Variants in TTC27 observed in about 807,000 individuals in gnomAD.
TTC27 encodes tetratricopeptide repeat protein 27.
A neutral mutation model predicts 115.9 loss-of-function variants in TTC27; 79 were observed. That is an observed-to-expected ratio of 0.68 (90% CI 0.57 to 0.82). The LOEUF (loss-of-function observed/expected upper bound fraction) is 0.82, where lower values mean the gene tolerates loss of function less well. TTC27 is among the 40% of genes least tolerant of loss of function. The pLI, the probability that TTC27 is intolerant of heterozygous loss-of-function variation, is 0.00. For synonymous variants in TTC27, 401 were observed against 356.0 expected (o/e 1.13, Z -1.42); for missense variants, 1,054 against 993.1 (o/e 1.06, Z -0.82).
chr2:32,655,250 A>C (rs1665276155), intron 5 of TTC27, among the ~76,000 whole-genome samples: 3 of 152,032 alleles, frequency 2.0e-5, no homozygotes, highest in Admixed American at 1.3e-4. Context: ...TTGGCCTCCC[A>C]AAGTGCTGGT....
chr2:32,664,605 A>C, intron 6 of TTC27, 138 bp downstream of exon 6: 1 of 719,700 alleles, frequency 1.4e-6, no homozygotes, highest in Non-Finnish European at 2.2e-6. Flanking sequence ...GGTTTTATTT[A>C]CAAATTTATA....
At chr2:32,635,938 GTCTATGAAGGGAATTTATAA>G (rs1664407430) in intron 3 of TTC27, among the ~76,000 whole-genome samples, 1 of 152,128 alleles carries the variant, frequency 6.6e-6, no homozygotes. Context: ...TGTGTCTTAT[GTCTATGAAGGGAATTTATAA>G]TTTATATTCT....
intron 16 of TTC27, among the ~76,000 whole-genome samples, chr2:32,807,230 G>A (rs1671161877): frequency 6.6e-6 from 1 of 151,924 alleles, no homozygotes; most frequent in South Asian, 2.1e-4. Flanking sequence ...GTTTTTAAAT[G>A]TATATTAAAA....
chr2:32,783,484 T>C (rs1473313290), intron 15 of TTC27, among the ~76,000 whole-genome samples: 1 of 152,200 alleles, frequency 6.6e-6, no homozygotes, highest in African/African-American at 2.4e-5. Context: ...GAAAGGTAGG[T>C]TGAAGTAAAA....
intron 1 of TTC27, among the ~76,000 whole-genome samples, chr2:32,630,037 A>G (rs1036195841): frequency 1.3e-5 from 2 of 152,206 alleles, no homozygotes; most frequent in African/African-American, 4.8e-5. Context: ...AGTGGAGAAG[A>G]GTTCAACAGG....
chr2:32,673,478 C>T (rs1040374348), intron 8 of TTC27, among the ~76,000 whole-genome samples: 7 of 152,086 alleles, frequency 4.6e-5, no homozygotes, highest in Admixed American at 6.6e-5. Flanking sequence ...CCGCCCGCCT[C>T]GGCCTCCCAG....
chr2:32,640,850 C>T (rs892922228), intron 4 of TTC27, among the ~76,000 whole-genome samples: 4 of 151,980 alleles, frequency 2.6e-5, no homozygotes, highest in East Asian at 3.9e-4. Flanking sequence ...GGCGCAGTGG[C>T]GTGCACCTGT....
chr2:32,641,855 T>A (rs780147361), intron 4 of TTC27, among the ~76,000 whole-genome samples: 1 of 151,842 alleles, frequency 6.6e-6, no homozygotes, highest in Non-Finnish European at 1.5e-5. Flanking sequence ...ATTTTGTATT[T>A]TTATTTATTT....
intron 11 of TTC27, among the ~76,000 whole-genome samples, chr2:32,734,403 T>G (rs78081693): frequency 0.019 from 2,836 of 152,292 alleles, 49 homozygotes; most frequent in Middle Eastern, 0.061. Flanking sequence ...TAAAATTATT[T>G]TAAGGACTTT....
intron 9 of TTC27, among the ~76,000 whole-genome samples, chr2:32,702,234 G>A (rs1289397110): frequency 2.0e-5 from 3 of 151,934 alleles, no homozygotes; most frequent in African/African-American, 4.8e-5. Context: ...TAAATAAACA[G>A]GTCTTTCTCC....
chr2:32,782,999 C>T (rs1362953567), intron 15 of TTC27, among the ~76,000 whole-genome samples: 2 of 152,108 alleles, frequency 1.3e-5, no homozygotes, highest in African/African-American at 2.4e-5. Flanking sequence ...ACTCAGTTGA[C>T]AGTTATTTTT....
intron 13 of TTC27, among the ~76,000 whole-genome samples, chr2:32,759,732 C>T (rs191962109): frequency 2.6e-5 from 4 of 152,352 alleles, no homozygotes; most frequent in East Asian, 1.9e-4. Flanking sequence ...GTTTCCCCTT[C>T]GTTCCCCATC....
Position 32,651,910 on chromosome 2 carries a change from G to A in TTC27, c.640+1677G>A, listed in dbSNP as rs1456970210. ...TTTATGTTGTTTGTTCCAGGACTTA[G>A]TTTATATTCTTTCAACATTTTTAGG... is the stretch of plus-strand genomic sequence containing the variant. On this transcript the variant is annotated intron_variant, in intron 5 of 19. Transcript: ENST00000317907. Among the ~76,000 whole-genome samples the A allele has an allele frequency of 2.6e-5, 4 of 152,120 alleles. No homozygotes were observed. The East Asian group carries it at 7.7e-4, about 29-fold the overall frequency.
intron 9 of TTC27, among the ~76,000 whole-genome samples, chr2:32,688,540 T>G (rs4952282): frequency 0.2 from 29,977 of 152,096 alleles, 3,615 homozygotes; most frequent in South Asian, 0.39. Flanking sequence ...AAAAGACTTT[T>G]ACTTAGCATA....
intron 11 of TTC27, among the ~76,000 whole-genome samples, chr2:32,735,000 A>T (rs1036505617): frequency 1.3e-5 from 2 of 152,168 alleles, no homozygotes; most frequent in Non-Finnish European, 2.9e-5. Context: ...ATTACAGATG[A>T]TTTATCTACT....
chr2:32,697,685 C>G (rs1256273887), intron 9 of TTC27, among the ~76,000 whole-genome samples: 1 of 152,148 alleles, frequency 6.6e-6, no homozygotes, highest in Non-Finnish European at 1.5e-5. Context: ...CAGAGCTTAA[C>G]CTGCTTATTC....
intron 9 of TTC27, among the ~76,000 whole-genome samples, chr2:32,699,005 C>A (rs1239819375): frequency 6.6e-6 from 1 of 152,162 alleles, no homozygotes; most frequent in South Asian, 2.1e-4. Flanking sequence ...TTTTCATGAG[C>A]ACCAGTCACT....
At chr2:32,769,333 A>G (rs925883249) in intron 13 of TTC27, among the ~76,000 whole-genome samples, 3 of 152,226 alleles carry the variant, frequency 2.0e-5, no homozygotes, top group Non-Finnish European at 4.4e-5. Flanking sequence ...GGCTATGAAG[A>G]GGTCATTGGA....
At chr2:32,684,212 A>T (rs998484448) in intron 9 of TTC27, among the ~76,000 whole-genome samples, 1 of 152,102 alleles carries the variant, frequency 6.6e-6, no homozygotes, top group African/African-American at 2.4e-5. Flanking sequence ...ACTGAGAATG[A>T]TGATTTCCAA....
Sources: gnomAD v4.1 joint callset for allele counts (sites outside exome capture counted in the v4.1 genomes callset) on GRCh38, gnomAD v4.1.1 for gene constraint, MANE v1.5 for transcripts, NCBI Gene and HGNC (gene_info 2026-07-23, HGNC 2026-07-21) for gene names.